Variants in SNX29 observed in about 807,000 individuals in gnomAD.
The protein encoded by SNX29 is sorting nexin 29.
A neutral mutation model predicts 102.1 loss-of-function variants in SNX29; 78 were observed. The ratio of observed to expected loss-of-function variants is 0.76; its 90% CI spans 0.64 to 0.92. The LOEUF (loss-of-function observed/expected upper bound fraction) is 0.92, where lower values mean the gene tolerates loss of function less well. SNX29 is among the 40% of genes least tolerant of loss of function. The pLI, the probability that SNX29 is intolerant of heterozygous loss-of-function variation, is 0.00. For synonymous variants in SNX29, 580 were observed against 414.5 expected (o/e 1.40, Z -4.85); for missense variants, 1,280 against 1,061.7 (o/e 1.21, Z -2.86).
At chr16:12,151,362 G>A (rs1208501357) in intron 13 of SNX29, among the ~76,000 whole-genome samples, 1 of 152,176 alleles carries the variant, frequency 6.6e-6, no homozygotes, top group Non-Finnish European at 1.5e-5. Flanking sequence ...AAAGTTCCTT[G>A]ATGGTCGTTT....
At chr16:12,360,012 C>T (rs766341254) in intron 16 of SNX29, among the ~76,000 whole-genome samples, 25 of 152,084 alleles carry the variant, frequency 1.6e-4, no homozygotes, top group East Asian at 5.8e-4. Flanking sequence ...TTAGTAGAGA[C>T]GGGGTTTCTC....
At chr16:12,206,682 G>A (rs111779008) in intron 14 of SNX29, among the ~76,000 whole-genome samples, 2,956 of 152,104 alleles carry the variant, frequency 0.019, 50 homozygotes, top group Admixed American at 0.047. Flanking sequence ...TCACTGTCCC[G>A]TCTTTCCATC....
intron 11 of SNX29, among the ~76,000 whole-genome samples, chr16:12,110,106 A>G (rs2053443099): frequency 6.6e-6 from 1 of 152,134 alleles, no homozygotes; most frequent in Admixed American, 6.5e-5. Flanking sequence ...TCCGACCCTA[A>G]GCTGGACCTG....
intron 14 of SNX29, among the ~76,000 whole-genome samples, chr16:12,257,610 G>A (rs1489875486): frequency 1.3e-5 from 2 of 151,984 alleles, no homozygotes; most frequent in Non-Finnish European, 2.9e-5. Context: ...TTGGGATCAA[G>A]CGATCCTCCT....
rs528108962 is a variant in SNX29, at chr16:12,278,172, A to G, written c.1782+136A>G. ...CTCCTCAGCCCCACAAAACAAAGCA[A>G]GACCAAATCAGTGTGCTTTATAAAA... On this transcript the variant is annotated intron_variant, in intron 15 of 20. Transcript: ENST00000566228. 12 of 673,694 alleles carry G rather than the reference A, an allele frequency of 1.8e-5. No homozygotes were observed. The African/African-American group carries it at 2.2e-4, about 12-fold the overall frequency. 41.7% of individuals were successfully genotyped at this position (673,694 alleles called of 1,614,324 possible).
At chr16:11,995,405 C>T (rs1360094005) in intron 1 of SNX29, among the ~76,000 whole-genome samples, 1 of 152,038 alleles carries the variant, frequency 6.6e-6, no homozygotes, top group African/African-American at 2.4e-5. Context: ...CTAAGTTGGC[C>T]ACAGCTGCCC....
At chr16:12,521,410 G>T (rs1273888131) in intron 19 of SNX29, among the ~76,000 whole-genome samples, 2 of 152,040 alleles carry the variant, frequency 1.3e-5, no homozygotes, top group African/African-American at 4.8e-5. Flanking sequence ...ACCTGGGTGA[G>T]AGAGGCAGAT....
intron 13 of SNX29, among the ~76,000 whole-genome samples, chr16:12,179,285 A>G (rs945034265): frequency 6.6e-6 from 1 of 152,242 alleles, no homozygotes; most frequent in African/African-American, 2.4e-5. Context: ...GGAGTTCGAG[A>G]TCAGACTGGG....
At chr16:12,475,907 C>G (rs1281889246) in intron 18 of SNX29, among the ~76,000 whole-genome samples, 2 of 152,170 alleles carry the variant, frequency 1.3e-5, no homozygotes, top group Admixed American at 6.5e-5. Flanking sequence ...TTTGCCCACC[C>G]CGATCTAGAT....
At chr16:12,419,435 G>A (rs555187139) in intron 18 of SNX29, among the ~76,000 whole-genome samples, 3 of 152,262 alleles carry the variant, frequency 2.0e-5, no homozygotes, top group South Asian at 2.1e-4. Context: ...ACACTTGCAC[G>A]CTCTTGGTTG....
chr16:12,498,388 C>G (rs750081015), intron 19 of SNX29, among the ~76,000 whole-genome samples: 17 of 151,528 alleles, frequency 1.1e-4, no homozygotes, highest in Non-Finnish European at 2.2e-4. Flanking sequence ...GTTTTTAAAA[C>G]TGGTTTGGCA....
chr16:12,409,512 T>A (rs1257141351), intron 18 of SNX29, among the ~76,000 whole-genome samples: 1 of 139,546 alleles, frequency 7.2e-6, no homozygotes, highest in African/African-American at 2.7e-5. Flanking sequence ...CACTGCAAGC[T>A]CCACCTCCCG....
intron 20 of SNX29, among the ~76,000 whole-genome samples, chr16:12,549,526 A>C (rs1157254766): frequency 2.7e-5 from 2 of 73,744 alleles, no homozygotes; most frequent in African/African-American, 1.0e-4. Flanking sequence ...TTCATCCTCT[A>C]TCTCAAATAG....
Position 12,502,040 on chromosome 16 carries a change from A to C in SNX29, c.2179-22662A>C, listed in dbSNP as rs565072780. 7.9e-5 allele frequency among the ~76,000 whole-genome samples: 12 copies of C among 152,260 alleles called. No homozygotes were observed. In the South Asian group the frequency reaches 2.5e-3, roughly 32 times the overall value. On this transcript the variant is annotated intron_variant, in intron 19 of 20. Coordinates refer to ENST00000566228, the MANE Select transcript of SNX29 (RefSeq NM_032167.5). ...AGGTTTTACTGCCACTGCAATGGAA[A>C]GGTTCTAGTTCTTGGTGAGAACATG...
chr16:12,212,045 T>C (rs186250684), intron 14 of SNX29, among the ~76,000 whole-genome samples: 1 of 152,160 alleles, frequency 6.6e-6, no homozygotes, highest in East Asian at 1.9e-4. Flanking sequence ...CCAGTGCTTC[T>C]GAAGTTTATT....
intron 19 of SNX29, among the ~76,000 whole-genome samples, chr16:12,478,209 G>C (rs1317980208): frequency 1.3e-5 from 2 of 152,214 alleles, no homozygotes; most frequent in East Asian, 3.8e-4. Context: ...AGACAGTACA[G>C]ACACAAATGA....
At chr16:12,362,052 T>C (rs1017696761) in intron 16 of SNX29, among the ~76,000 whole-genome samples, 15 of 151,686 alleles carry the variant, frequency 9.9e-5, no homozygotes, top group African/African-American at 2.9e-4. Context: ...CCTTGTTCTG[T>C]GTCCTACCTT....
Position 12,570,957 on chromosome 16 carries a change from C to G in SNX29, c.*2328C>G, listed in dbSNP as rs541797640. The G allele has an allele frequency of 2.6e-5, 6 of 232,132 alleles. No individual in the cohort carries two copies. Among genetic ancestry groups the G allele is most frequent in the Non-Finnish European group, 5.1e-5 (6 of 117,424 alleles). The allele number at this position is 232,132 out of a possible 1,614,324, so 14.4% of individuals were successfully genotyped here. A position where few individuals can be genotyped will look rare whatever the true frequency, so the allele number is the denominator to read the frequency against. On this transcript the variant is annotated 3_prime_UTR_variant, in exon 21 of 21. Transcript: ENST00000566228. ...CTGGGAGCCACATGGGGACCATCCC[C>G]AGCTGCCTGCTCCTGGTACCTCCCC...
intron 14 of SNX29, among the ~76,000 whole-genome samples, chr16:12,258,690 C>T (rs372032768): frequency 1.8e-4 from 28 of 152,202 alleles, no homozygotes; most frequent in African/African-American, 6.7e-4. Flanking sequence ...AATTCCAGAG[C>T]CTTCTTGGAG....
Sources: gnomAD v4.1 joint callset for allele counts (sites outside exome capture counted in the v4.1 genomes callset) on GRCh38, gnomAD v4.1.1 for gene constraint, MANE v1.5 for transcripts, NCBI Gene and HGNC (gene_info 2026-07-23, HGNC 2026-07-21) for gene names.